The following FAT3 variants were observed in gnomAD, a reference collection of about 807,000 sequenced individuals.
The protein encoded by FAT3 is FAT atypical cadherin 3.
A neutral mutation model predicts 310.2 loss-of-function variants in FAT3; 95 were observed. That is an observed-to-expected ratio of 0.31 (90% CI 0.26 to 0.36). The LOEUF (loss-of-function observed/expected upper bound fraction) is 0.36. FAT3 is among the 10% of genes least tolerant of loss of function. FAT3 has a pLI of 1.00. For missense variants in FAT3, 5,408 were observed against 5,715.6 expected (o/e 0.95, Z 1.74); for synonymous variants, 2,314 against 2,192.9 (o/e 1.06, Z -1.54).
At chr11:92,720,011 T>A (rs1944817040) in intron 4 of FAT3, among the ~76,000 whole-genome samples, 1 of 152,130 alleles carries the variant, frequency 6.6e-6, no homozygotes, top group Non-Finnish European at 1.5e-5. Context: ...GATCAAGAAA[T>A]GTTTGTCACA....
chr11:92,882,518 A>G (rs1949690466), intron 23 of FAT3, among the ~76,000 whole-genome samples: 1 of 149,356 alleles, frequency 6.7e-6, no homozygotes, highest in Non-Finnish European at 1.5e-5. Flanking sequence ...GTTGGGAGGA[A>G]CACCTTAAGG....
At chr11:92,231,176 C>T (rs902025394) in intron 1 of FAT3, among the ~76,000 whole-genome samples, 1 of 152,178 alleles carries the variant, frequency 6.6e-6, no homozygotes, top group African/African-American at 2.4e-5. Context: ...TGCAGGTGCA[C>T]ATGGTGTATT....
chr11:92,765,198 A>G (rs769017520), intron 6 of FAT3, 109 bp downstream of exon 6: 3 of 959,260 alleles, frequency 3.1e-6, no homozygotes, highest in Non-Finnish European at 4.5e-6. Flanking sequence ...TAGTGCCAAG[A>G]TTAAAAGATG....
At chr11:92,845,848 A>G (rs1016235612) in intron 19 of FAT3, among the ~76,000 whole-genome samples, 3 of 152,068 alleles carry the variant, frequency 2.0e-5, no homozygotes, top group Non-Finnish European at 4.4e-5. Flanking sequence ...AGCTCATCAC[A>G]GGGAGGCCCT....
At chr11:92,477,299 C>T (rs904401164) in intron 2 of FAT3, among the ~76,000 whole-genome samples, 9 of 152,132 alleles carry the variant, frequency 5.9e-5, no homozygotes, top group Non-Finnish European at 1.0e-4. Flanking sequence ...TTTTTGTCCA[C>T]GGCCTCCTGC....
chr11:92,840,902 T>G (rs1948529803), intron 18 of FAT3, 143 bp downstream of exon 18: 2 of 766,892 alleles, frequency 2.6e-6, no homozygotes, highest in Non-Finnish European at 3.8e-6. Flanking sequence ...AATCTCAAAT[T>G]CAATTTCACA....
intron 1 of FAT3, among the ~76,000 whole-genome samples, chr11:92,329,281 A>G (rs1046147148): frequency 3.3e-5 from 5 of 151,588 alleles, no homozygotes; most frequent in Non-Finnish European, 5.9e-5. Context: ...GAAAAGATTA[A>G]TGCCCTCCCT....
chr11:92,760,590 C>T (rs187970087), intron 4 of FAT3, among the ~76,000 whole-genome samples: 1 of 152,264 alleles, frequency 6.6e-6, no homozygotes, highest in Non-Finnish European at 1.5e-5. Flanking sequence ...AGTTTAATAC[C>T]TAGCTTTACC....
rs187212779 is a variant in FAT3, at chr11:92,823,896, G to T, written c.9482-7726G>T. Among the ~76,000 whole-genome samples the T allele has an allele frequency of 3.1e-3, 466 of 152,168 alleles. 3 individuals are homozygous for T. The highest frequency in any genetic ancestry group is 0.011 in the African/African-American group (442 of 41,510). ...TTGCTAATTCCATGGGCCTCTTCAT[G>T]GCAACTTCCTGTTTTATTTCATATT... On this transcript the variant is annotated intron_variant, in intron 13 of 27. Coordinates refer to ENST00000525166, the MANE Select transcript of FAT3 (RefSeq NM_001367949.2).
At chr11:92,854,834 A>G (rs1223392673) in intron 19 of FAT3, among the ~76,000 whole-genome samples, 2 of 152,220 alleles carry the variant, frequency 1.3e-5, no homozygotes, top group Non-Finnish European at 2.9e-5. Context: ...TTAATGTAAT[A>G]TCTATAGCTG....
intron 3 of FAT3, among the ~76,000 whole-genome samples, chr11:92,556,088 A>G (rs542088477): frequency 2.6e-5 from 4 of 152,312 alleles, no homozygotes; most frequent in South Asian, 4.1e-4. Context: ...GTGCTCAACA[A>G]ATGTTGGCTA....
chr11:92,486,129 G>T (rs1338416435), intron 2 of FAT3, among the ~76,000 whole-genome samples: 1 of 27,670 alleles, frequency 3.6e-5, no homozygotes, highest in Non-Finnish European at 8.8e-5. Context: ...AGGCTGCTGG[G>T]GTTTTTTTTT....
At chr11:92,466,108 G>T (rs1313263336) in intron 2 of FAT3, among the ~76,000 whole-genome samples, 5 of 152,106 alleles carry the variant, frequency 3.3e-5, no homozygotes, top group African/African-American at 1.2e-4. Context: ...GCTTAATTAT[G>T]TATCCAAGGT....
chr11:92,803,072 G>T (rs948623150), intron 10 of FAT3, among the ~76,000 whole-genome samples: 6 of 151,930 alleles, frequency 3.9e-5, no homozygotes, highest in Admixed American at 1.3e-4. Context: ...AAACATGAAA[G>T]ATAGAAGAAA....
intron 1 of FAT3, among the ~76,000 whole-genome samples, chr11:92,270,552 G>A (rs374297532): frequency 1.2e-4 from 18 of 151,890 alleles, no homozygotes; most frequent in African/African-American, 4.1e-4. Context: ...TGGGCATGGT[G>A]GCACATGCCT....
intron 2 of FAT3, among the ~76,000 whole-genome samples, chr11:92,479,771 A>G (rs1365276098): frequency 6.6e-6 from 1 of 152,178 alleles, no homozygotes; most frequent in African/African-American, 2.4e-5. Flanking sequence ...CTGGCCTTTC[A>G]TAGTAGTTAT....
At chr11:92,472,352 G>T (rs545230776) in intron 2 of FAT3, among the ~76,000 whole-genome samples, 8 of 152,160 alleles carry the variant, frequency 5.3e-5, no homozygotes, top group Admixed American at 4.6e-4. Flanking sequence ...CCTGGTTTCT[G>T]CAGCTTTATT....
At chr11:92,506,085 T>C (rs1953089827) in intron 2 of FAT3, among the ~76,000 whole-genome samples, 2 of 152,180 alleles carry the variant, frequency 1.3e-5, no homozygotes, top group African/African-American at 4.8e-5. Context: ...TGGTCAGAAC[T>C]GACCTCAAAA....
At chr11:92,680,624 T>C (rs974878457) in intron 3 of FAT3, among the ~76,000 whole-genome samples, 1 of 152,154 alleles carries the variant, frequency 6.6e-6, no homozygotes, top group Non-Finnish European at 1.5e-5. Flanking sequence ...TTTTACGGTT[T>C]TTTTTCCTAA....
Sources: gnomAD v4.1 joint callset for allele counts (sites outside exome capture counted in the v4.1 genomes callset) on GRCh38, gnomAD v4.1.1 for gene constraint, MANE v1.5 for transcripts, NCBI Gene and HGNC (gene_info 2026-07-23, HGNC 2026-07-21) for gene names.